CCSER1: variants seen among roughly 807,000 people sequenced by gnomAD.
The protein encoded by CCSER1 is coiled-coil serine rich protein 1.
CCSER1 carries 41 observed loss-of-function variants against 82.0 expected under a neutral mutation model. The observed-to-expected ratio is 0.50, with a 90% CI of 0.39 to 0.65. The LOEUF is 0.65. CCSER1 is among the 30% of genes least tolerant of loss of function. CCSER1 has a pLI of 0.00. For synonymous variants in CCSER1, 414 were observed against 383.9 expected (o/e 1.08, Z -0.92); for missense variants, 1,119 against 1,064.2 (o/e 1.05, Z -0.72).
intron 1 of CCSER1, among the ~76,000 whole-genome samples, chr4:90,182,509 G>A (rs1025270038): frequency 2.6e-5 from 4 of 152,140 alleles, no homozygotes; most frequent in Non-Finnish European, 1.5e-5. Flanking sequence ...AGCATTACAG[G>A]ATATGTTGTT....
chr4:90,727,749 A>G (rs1314230366), intron 7 of CCSER1, among the ~76,000 whole-genome samples: 2 of 152,198 alleles, frequency 1.3e-5, no homozygotes, highest in Non-Finnish European at 2.9e-5. Flanking sequence ...TAAAAGTACA[A>G]TTTATCATGA....
At chr4:91,575,900 T>C (rs956315101) in intron 10 of CCSER1, among the ~76,000 whole-genome samples, 5 of 151,924 alleles carry the variant, frequency 3.3e-5, no homozygotes, top group African/African-American at 1.2e-4. Flanking sequence ...ATATGGTTCA[T>C]GAAAATATAA....
intron 8 of CCSER1, among the ~76,000 whole-genome samples, chr4:90,908,367 G>A (rs1333584838): frequency 2.0e-5 from 3 of 152,072 alleles, no homozygotes; most frequent in Admixed American, 2.0e-4. Flanking sequence ...GGAGAGTCAT[G>A]TTTGCAAGTG....
At chr4:90,192,323 C>G (rs1474926358) in intron 1 of CCSER1, among the ~76,000 whole-genome samples, 2 of 151,986 alleles carry the variant, frequency 1.3e-5, no homozygotes, top group African/African-American at 4.8e-5. Flanking sequence ...CCACCTGGTC[C>G]CTCCCACAAC....
intron 1 of CCSER1, among the ~76,000 whole-genome samples, chr4:90,135,163 C>T (rs962356698): frequency 1.1e-4 from 17 of 152,268 alleles, no homozygotes; most frequent in Admixed American, 5.2e-4. Context: ...TCTAGCCTAA[C>T]ATTTTGTGGC....
intron 5 of CCSER1, among the ~76,000 whole-genome samples, chr4:90,616,732 CACACACAA>C (rs1470128415): frequency 9.2e-5 from 7 of 75,984 alleles, no homozygotes; most frequent in East Asian, 4.8e-4. Context: ...CACACACACA[CACACACAA>C]ATAAAATAAA....
intron 7 of CCSER1, among the ~76,000 whole-genome samples, chr4:90,804,409 T>A (rs1220877777): frequency 6.6e-6 from 1 of 150,896 alleles, no homozygotes; most frequent in Non-Finnish European, 1.5e-5. Flanking sequence ...AGGAAGGGGG[T>A]CCAGTTTCAG....
At chr4:91,160,835 T>G (rs1731318798) in intron 10 of CCSER1, among the ~76,000 whole-genome samples, 1 of 152,160 alleles carries the variant, frequency 6.6e-6, no homozygotes, top group African/African-American at 2.4e-5. Context: ...GCCAAAATAT[T>G]TTCCAATTCT....
chr4:91,266,098 G>A (rs571079565), intron 10 of CCSER1, among the ~76,000 whole-genome samples: 107 of 152,240 alleles, frequency 7.0e-4, no homozygotes, highest in African/African-American at 2.3e-3. Flanking sequence ...CTCCCACTGG[G>A]TCCCTGCTAC....
At chr4:90,611,222 A>G (rs1279235233) in intron 5 of CCSER1, among the ~76,000 whole-genome samples, 1 of 151,946 alleles carries the variant, frequency 6.6e-6, no homozygotes, top group Non-Finnish European at 1.5e-5. Flanking sequence ...TAACAAGCAA[A>G]TGAAAAAAGC....
At chr4:90,396,200 A>T (rs1751933370) in intron 3 of CCSER1, among the ~76,000 whole-genome samples, 1 of 152,212 alleles carries the variant, frequency 6.6e-6, no homozygotes, top group African/African-American at 2.4e-5. Context: ...TTTCTTAGTT[A>T]TCACTCTACT....
At chr4:90,626,550 G>A (rs560963170) in intron 5 of CCSER1, among the ~76,000 whole-genome samples, 2 of 152,284 alleles carry the variant, frequency 1.3e-5, no homozygotes, top group African/African-American at 4.8e-5. Context: ...AAATGTTAAT[G>A]ATTCTTAGTA....
intron 10 of CCSER1, among the ~76,000 whole-genome samples, chr4:91,453,592 G>A (rs1375386742): frequency 6.6e-6 from 1 of 151,976 alleles, no homozygotes; most frequent in Admixed American, 6.6e-5. Flanking sequence ...TAAAATCAAT[G>A]ATGTGTACTG....
At chr4:90,921,127 T>C (rs752043101) in intron 8 of CCSER1, among the ~76,000 whole-genome samples, 1 of 151,854 alleles carries the variant, frequency 6.6e-6, no homozygotes, top group Non-Finnish European at 1.5e-5. Context: ...TTTTTGTACA[T>C]ATTAAATTTA....
At chr4:90,186,699 A>C (rs966001193) in intron 1 of CCSER1, among the ~76,000 whole-genome samples, 1 of 151,852 alleles carries the variant, frequency 6.6e-6, no homozygotes, top group South Asian at 2.1e-4. Context: ...ATGAATCTCT[A>C]ATTTGTCTTT....
intron 9 of CCSER1, among the ~76,000 whole-genome samples, chr4:90,992,003 A>G (rs1332697719): frequency 6.6e-6 from 1 of 152,074 alleles, no homozygotes; most frequent in Non-Finnish European, 1.5e-5. Flanking sequence ...TGCACTCCAG[A>G]GTATTGAATG....
intron 5 of CCSER1, among the ~76,000 whole-genome samples, chr4:90,574,191 T>C (rs1780439230): frequency 2.6e-5 from 4 of 151,704 alleles, no homozygotes; most frequent in Admixed American, 2.6e-4. Context: ...TTTAGCTTGT[T>C]TACATTGGCA....
intron 3 of CCSER1, among the ~76,000 whole-genome samples, chr4:90,321,861 T>C (rs964784568): frequency 1.3e-5 from 2 of 152,136 alleles, no homozygotes; most frequent in Non-Finnish European, 2.9e-5. Context: ...TTCTATTGAG[T>C]TGTGTTAGCT....
chr4:90,485,046 T>C (rs1766778602), intron 5 of CCSER1, among the ~76,000 whole-genome samples: 1 of 152,200 alleles, frequency 6.6e-6, no homozygotes, highest in African/African-American at 2.4e-5. Context: ...CCCAGCCACT[T>C]TGTTTACCTG....
Sources: allele counts gnomAD v4.1 joint callset (sites outside exome capture counted in the v4.1 genomes callset), GRCh38; gene constraint gnomAD v4.1.1; transcripts MANE v1.5; gene names NCBI Gene and HGNC (gene_info 2026-07-23, HGNC 2026-07-21).